Variants in CNBD1 observed in about 807,000 individuals in gnomAD.
CNBD1 encodes cyclic nucleotide binding domain containing 1.
In CNBD1, 71 loss-of-function variants were observed where a neutral mutation model predicts 54.4. The observed-to-expected ratio is 1.30, with a 90% CI of 1.08 to 1.59. The LOEUF is 1.59. Ranked by LOEUF, CNBD1 falls within the 40% of genes most tolerant of loss-of-function variation. CNBD1 has a pLI of 0.00. For missense variants in CNBD1, 659 were observed against 518.0 expected, an observed-to-expected ratio of 1.27 and a Z score of -2.64; for synonymous variants, 182 against 170.7, an observed-to-expected ratio of 1.07 and a Z score of -0.51.
intron 10 of CNBD1, among the ~76,000 whole-genome samples, chr8:87,379,298 C>A (rs1811023093): frequency 1.3e-5 from 2 of 151,892 alleles, no homozygotes; most frequent in Non-Finnish European, 2.9e-5. Flanking sequence ...TTTAACACCC[C>A]ACTGTCAACA....
At chr8:87,066,796 A>C (rs1163490416) in intron 4 of CNBD1, among the ~76,000 whole-genome samples, 1 of 151,934 alleles carries the variant, frequency 6.6e-6, no homozygotes, top group Non-Finnish European at 1.5e-5. Flanking sequence ...ATTGTGATTA[A>C]AGTCATATGG....
chr8:87,193,396 A>T (rs1813652041), intron 4 of CNBD1, among the ~76,000 whole-genome samples: 1 of 152,216 alleles, frequency 6.6e-6, no homozygotes, highest in Admixed American at 6.5e-5. Context: ...ACATTTTAAT[A>T]ATTGCTACTC....
chr8:87,387,197 C>G (rs937181806), downstream of CNBD1, among the ~76,000 whole-genome samples: 5 of 152,130 alleles, frequency 3.3e-5, no homozygotes, highest in Non-Finnish European at 7.3e-5. Context: ...ACTGCATCAA[C>G]TAATGAGCAA....
At chr8:86,949,126 A>C (rs1026842284) in intron 4 of CNBD1, among the ~76,000 whole-genome samples, 5 of 152,172 alleles carry the variant, frequency 3.3e-5, no homozygotes, top group Admixed American at 2.6e-4. Flanking sequence ...TTTTTATGCC[A>C]GTAACATGCC....
intron 4 of CNBD1, among the ~76,000 whole-genome samples, chr8:87,056,014 T>C (rs1336674459): frequency 6.6e-6 from 1 of 151,842 alleles, no homozygotes; most frequent in Admixed American, 6.6e-5. Context: ...TGTGGAGCAC[T>C]TACTATGAGC....
At chr8:86,916,907 G>T (rs1759218748) in intron 3 of CNBD1, among the ~76,000 whole-genome samples, 1 of 147,276 alleles carries the variant, frequency 6.8e-6, no homozygotes, top group African/African-American at 2.5e-5. Context: ...ATCTCACTCT[G>T]TCACCCAGAC....
intron 3 of CNBD1, among the ~76,000 whole-genome samples, chr8:86,909,216 A>G (rs1296022076): frequency 6.6e-6 from 1 of 152,208 alleles, no homozygotes; most frequent in Non-Finnish European, 1.5e-5. Context: ...TTACATCTAT[A>G]TCTTATATTT....
intron 4 of CNBD1, among the ~76,000 whole-genome samples, chr8:87,022,634 A>G (rs1403566238): frequency 6.6e-6 from 1 of 152,176 alleles, no homozygotes; most frequent in African/African-American, 2.4e-5. Flanking sequence ...TAAATCTACA[A>G]ATTTCCAATT....
intron 5 of CNBD1, among the ~76,000 whole-genome samples, chr8:87,225,621 G>A (rs1200245695): frequency 3.3e-5 from 5 of 152,132 alleles, no homozygotes; most frequent in Non-Finnish European, 5.9e-5. Context: ...GCTTTTTGAG[G>A]TGCTGCTGGA....
intron 10 of CNBD1, among the ~76,000 whole-genome samples, chr8:87,368,168 AAAG>A (rs911777607): frequency 3.6e-4 from 55 of 151,892 alleles, no homozygotes; most frequent in Non-Finnish European, 1.0e-4. Flanking sequence ...TCTAAAAAGA[AAAG>A]AAAAGAAAAG....
chr8:87,320,105 A>G (rs1004032007), intron 8 of CNBD1, among the ~76,000 whole-genome samples: 3 of 152,136 alleles, frequency 2.0e-5, no homozygotes, highest in Non-Finnish European at 4.4e-5. Context: ...ATTGCATGAC[A>G]TTGTGATAGA....
chr8:87,386,826 T>A (rs1312671573), downstream of CNBD1, among the ~76,000 whole-genome samples: 2 of 152,020 alleles, frequency 1.3e-5, no homozygotes, highest in Admixed American at 1.3e-4. Context: ...AAAGTTGAAA[T>A]GAAGGAAAAA....
intron 3 of CNBD1, among the ~76,000 whole-genome samples, chr8:86,938,193 A>G (rs1413469066): frequency 6.6e-6 from 1 of 152,192 alleles, no homozygotes; most frequent in Non-Finnish European, 1.5e-5. Flanking sequence ...GTTTCTGACA[A>G]GTTCCTCATC....
intron 10 of CNBD1, among the ~76,000 whole-genome samples, chr8:87,364,470 T>TTTTTA (rs142528057): frequency 0.019 from 2,835 of 149,494 alleles, 88 homozygotes; most frequent in African/African-American, 0.063. Flanking sequence ...CCAATTTGTC[T>TTTTTA]TTTTATTTTA....
chr8:87,052,245 A>T (rs1810326489), intron 4 of CNBD1, among the ~76,000 whole-genome samples: 3 of 152,098 alleles, frequency 2.0e-5, no homozygotes, highest in Non-Finnish European at 4.4e-5. Context: ...CTGAGGTGCT[A>T]CTCAGTCCTA....
At chr8:87,008,497 G>A (rs1048745403) in intron 4 of CNBD1, among the ~76,000 whole-genome samples, 2 of 152,184 alleles carry the variant, frequency 1.3e-5, no homozygotes, top group Non-Finnish European at 2.9e-5. Flanking sequence ...TCCAGTAAAA[G>A]TTAGTTTTTG....
intron 2 of CNBD1, among the ~76,000 whole-genome samples, chr8:87,421,973 G>T (rs1354784829): frequency 6.7e-6 from 1 of 149,910 alleles, no homozygotes; most frequent in African/African-American, 2.5e-5. Context: ...CATTCTAACT[G>T]GTATGAGATG....
At chr8:87,295,493 C>T (rs974342320) in intron 8 of CNBD1, among the ~76,000 whole-genome samples, 19 of 151,184 alleles carry the variant, frequency 1.3e-4, no homozygotes, top group African/African-American at 4.9e-5. Flanking sequence ...AATTCAAATC[C>T]CTCAGAAGTA....
intron 4 of CNBD1, among the ~76,000 whole-genome samples, chr8:86,948,818 C>G (rs1807533500): frequency 1.3e-5 from 2 of 152,088 alleles, no homozygotes; most frequent in South Asian, 4.1e-4. Context: ...CGGGTTATTA[C>G]TGAAGAAAAT....
Sources: gnomAD v4.1 joint callset for allele counts (sites outside exome capture counted in the v4.1 genomes callset) on GRCh38, gnomAD v4.1.1 for gene constraint, MANE v1.5 for transcripts, NCBI Gene and HGNC (gene_info 2026-07-23, HGNC 2026-07-21) for gene names.